The following RNF111 variants were observed in gnomAD, a reference collection of about 807,000 sequenced individuals.
RNF111 encodes the protein E3 ubiquitin-protein ligase Arkadia.
A neutral mutation model predicts 95.1 loss-of-function variants in RNF111; 17 were observed. The observed-to-expected ratio is 0.18, with a 90% CI of 0.12 to 0.27. The LOEUF (loss-of-function observed/expected upper bound fraction) is 0.27. Among genes scored for constraint, RNF111 ranks in the 10% least tolerant of loss-of-function variants. RNF111 has a pLI of 1.00. For synonymous variants in RNF111, 440 were observed against 414.8 expected, an observed-to-expected ratio of 1.06 and a Z score of -0.74; for missense variants, 1,189 against 1,210.4, an observed-to-expected ratio of 0.98 and a Z score of 0.26.
At position 59,091,565 on chromosome 15, in the gene RNF111, A is replaced by T. The variant is rs757202645; in HGVS notation, c.2739+411A>T. ...CTTATGCAGAATTCCATCATATGGC[A>T]GTACTGTAATTTTTTTAACTAGCAA... On this transcript the variant is annotated intron_variant, in intron 12 of 13. Coordinates refer to ENST00000348370, the MANE Select transcript of RNF111 (RefSeq NM_017610.8). Among the ~76,000 whole-genome samples, 4 of 152,198 alleles carry T rather than the reference A, an allele frequency of 2.6e-5. No individual in the cohort carries two copies. The East Asian group carries it at 7.7e-4, about 29-fold the overall frequency.
At chr15:59,066,507 G>A (rs1243588171) in intron 5 of RNF111, among the ~76,000 whole-genome samples, 3 of 152,096 alleles carry the variant, frequency 2.0e-5, no homozygotes, top group African/African-American at 7.2e-5. Flanking sequence ...CTACTCAGGA[G>A]GCTGAGGGAG....
At chr15:59,028,941 G>C (rs2040763170) in intron 1 of RNF111, among the ~76,000 whole-genome samples, 1 of 151,930 alleles carries the variant, frequency 6.6e-6, no homozygotes, top group Admixed American at 6.6e-5. Flanking sequence ...CCACTATCCT[G>C]GCTAATTTTT....
chr15:58,995,760 C>T (rs929571917), intron 1 of RNF111, among the ~76,000 whole-genome samples: 17 of 144,142 alleles, frequency 1.2e-4, no homozygotes, highest in South Asian at 2.2e-4. Context: ...TGCCGTGCCC[C>T]GGCCTTTTTT....
intron 2 of RNF111, among the ~76,000 whole-genome samples, chr15:59,047,845 G>A (rs1596193700): frequency 6.6e-6 from 1 of 152,324 alleles, no homozygotes; most frequent in Non-Finnish European, 1.5e-5. Context: ...AAAGTGCTGG[G>A]ATTATAGGCG....
At chr15:59,045,340 G>A (rs1246901525) in intron 2 of RNF111, among the ~76,000 whole-genome samples, 1 of 151,940 alleles carries the variant, frequency 6.6e-6, no homozygotes, top group African/African-American at 2.4e-5. Context: ...ACAGGCACCT[G>A]CCACCACACC....
In RNF111 at chr15:59,096,272, T is replaced by G; in HGVS notation, c.*1372T>G. On this transcript the variant is annotated 3_prime_UTR_variant, in exon 14 of 14. Transcript: ENST00000348370. ...CTAATTTTATTTGTTTAAATATGCT[T>G]AATATGCCCCAGATTGCAAATGCAT... 1 of 387,672 alleles carries G rather than the reference T, an allele frequency of 2.6e-6. No homozygotes were observed. Among genetic ancestry groups the G allele is most frequent in the Non-Finnish European group, 4.6e-6 (1 of 219,344 alleles). 24.0% of individuals were successfully genotyped at this position (387,672 alleles called of 1,614,324 possible). A position where few individuals can be genotyped will look rare whatever the true frequency, so the allele number is the denominator to read the frequency against.
intron 1 of RNF111, among the ~76,000 whole-genome samples, chr15:59,001,107 G>A (rs559651890): frequency 3.7e-4 from 57 of 152,310 alleles, no homozygotes; most frequent in African/African-American, 1.3e-3. Flanking sequence ...TGTAAAGGAA[G>A]TGAATGAGTG....
chr15:59,058,901 C>T (rs2049266401), intron 5 of RNF111, among the ~76,000 whole-genome samples: 1 of 152,092 alleles, frequency 6.6e-6, no homozygotes, highest in Admixed American at 6.5e-5. Flanking sequence ...GAAAGACAGC[C>T]TACAGAATGG....
At chr15:59,045,143 C>T (rs1255867005) in intron 2 of RNF111, among the ~76,000 whole-genome samples, 2 of 148,770 alleles carry the variant, frequency 1.3e-5, no homozygotes, top group African/African-American at 2.5e-5. Context: ...AAAAGGTGTT[C>T]GATAATGTTA....
At chr15:59,064,224 C>T (rs1336385700) in intron 5 of RNF111, among the ~76,000 whole-genome samples, 1 of 152,052 alleles carries the variant, frequency 6.6e-6, no homozygotes, top group Non-Finnish European at 1.5e-5. Flanking sequence ...TTTGGAACTG[C>T]TATTATTTGT....
intron 6 of RNF111, among the ~76,000 whole-genome samples, chr15:59,073,241 G>A (rs1031501083): frequency 7.9e-5 from 12 of 152,152 alleles, no homozygotes; most frequent in African/African-American, 2.7e-4. Flanking sequence ...TTGAGAGGCT[G>A]AGGCAGGCAG....
intron 1 of RNF111, chr15:58,988,466 T>C (rs1484570639): frequency 1.3e-5 from 2 of 152,406 alleles, no homozygotes; most frequent in Non-Finnish European, 2.9e-5. Context: ...GGGAGTCGCC[T>C]GCTGCTGCTG....
chr15:59,055,767 C>T lies in RNF111; in HGVS notation c.1093C>T (p.Arg365Cys), dbSNP rs147419165. 1.9e-5 allele frequency: 31 copies of T among 1,613,748 alleles called. No individual in the cohort carries two copies. Among genetic ancestry groups the T allele is most frequent in the South Asian group, 1.4e-4 (13 of 91,078 alleles). The stretch of plus-strand genomic sequence containing the variant: ...AAGTCGGCCACAGGAGCCACGGAAC[C>T]GCAGTAGGATTTCTACTGTTATACA... Reference protein sequence around the residue: ...HASRPQEPRNRSRISTVIQPL... With the variant: ...HASRPQEPRNCSRISTVIQPL... Residue 365 changes from arginine (R) to cysteine (C), a missense_variant, in exon 4 of 14, where the codon CGC (arginine) becomes TGC (cysteine). Arg to Cys is a radical substitution (Grantham distance 180). Around this residue, in one of 2 missense-constraint regions of RNF111, gnomAD observed 1,024 missense variants for 925.9 expected, o/e 1.11. Coordinates refer to ENST00000348370, the MANE Select transcript of RNF111 (RefSeq NM_017610.8).
intron 2 of RNF111, among the ~76,000 whole-genome samples, chr15:59,037,000 ATT>A (rs746862245): frequency 1.1e-4 from 16 of 139,802 alleles, no homozygotes; most frequent in Middle Eastern, 3.6e-3. Flanking sequence ...CAGTTGACTA[ATT>A]TTTTTTTTTT....
chr15:59,008,619 G>T (rs2039649643), intron 1 of RNF111, among the ~76,000 whole-genome samples: 2 of 152,142 alleles, frequency 1.3e-5, no homozygotes, highest in African/African-American at 2.4e-5. Flanking sequence ...GGACTCTCTA[G>T]TCTGTCCTTA....
chr15:59,043,115 A>G (rs1209458642), intron 2 of RNF111, among the ~76,000 whole-genome samples: 1 of 152,072 alleles, frequency 6.6e-6, no homozygotes, highest in Non-Finnish European at 1.5e-5. Context: ...AATTCATTTT[A>G]ACTATTATAA....
chr15:59,023,076 G>A (rs2040424771), intron 1 of RNF111, among the ~76,000 whole-genome samples: 1 of 152,160 alleles, frequency 6.6e-6, no homozygotes, highest in Non-Finnish European at 1.5e-5. Flanking sequence ...GTGAAACCCT[G>A]TCTCTACTAA....
At chr15:59,078,317 A>G (rs1246643782) in intron 7 of RNF111, among the ~76,000 whole-genome samples, 5 of 152,272 alleles carry the variant, frequency 3.3e-5, no homozygotes, top group African/African-American at 1.2e-4. Flanking sequence ...ATGAAGTGAT[A>G]AAACAACTGT....
At position 59,031,247 on chromosome 15, in the gene RNF111, C is replaced by T; in HGVS notation, c.425C>T (p.Ser142Leu). ...TTTAGTGATTGTCTTTCTTCTCCTTCATCTAGTCTGCATTTTGGAGATTCT... is the reference window on the plus strand; with the variant it reads ...TTTAGTGATTGTCTTTCTTCTCCTTTATCTAGTCTGCATTTTGGAGATTCT... ...SSFSDCLSSP[S>L]SSLHFGDSDT... Residue 142 changes from serine (S) to leucine (L), a missense_variant, in exon 2 of 14, where the codon TCA becomes TTA. Transcript: ENST00000348370. 1 of 1,614,164 alleles carries T rather than the reference C, an allele frequency of 6.2e-7. No individual in the cohort carries two copies. Among genetic ancestry groups the T allele is most frequent in the Non-Finnish European group, 8.5e-7 (1 of 1,180,008 alleles).
Sources: gnomAD v4.1 joint callset for allele counts (sites outside exome capture counted in the v4.1 genomes callset) on GRCh38, gnomAD v4.1.1 for gene constraint, gnomAD v4.1.1 regional missense constraint, MANE v1.5 for transcripts, NCBI Gene and HGNC (gene_info 2026-07-23, HGNC 2026-07-21) for gene names.